The following AUTS2 variants were observed in gnomAD, a reference collection of about 807,000 sequenced individuals.
AUTS2 encodes autism susceptibility gene 2 protein.
Under a neutral mutation model 112.4 loss-of-function variants are expected in AUTS2, and 17 were observed. That is an observed-to-expected ratio of 0.15 (90% CI 0.10 to 0.23). AUTS2 has a LOEUF of 0.23. AUTS2 is among the 10% of genes least tolerant of loss of function. The pLI, the probability that AUTS2 is intolerant of heterozygous loss-of-function variation, is 1.00. For synonymous variants in AUTS2, 751 were observed against 702.7 expected (o/e 1.07, Z -1.09); for missense variants, 1,510 against 1,701.6 (o/e 0.89, Z 1.98).
chr7:70,290,557 T>G (rs1788663564), intron 4 of AUTS2: 19 of 1,493,764 alleles, frequency 1.3e-5, no homozygotes, highest in Non-Finnish European at 1.7e-5. Context: ...CTCTATGTGA[T>G]ATAGATTCTG....
At chr7:70,418,075 C>CTGTGTG (rs34869843) in intron 4 of AUTS2, among the ~76,000 whole-genome samples, 5,349 of 136,400 alleles carry the variant, frequency 0.039, 166 homozygotes, top group African/African-American at 0.072. Context: ...GGCTAACTTT[C>CTGTGTG]TGTGTGTGTG....
At position 69,852,173 on chromosome 7, in the gene AUTS2, T is replaced by C. The variant is rs147336254; in HGVS notation, c.310-47113T>C. Among the ~76,000 whole-genome samples, 556 of 152,330 alleles carry C rather than the reference T, an allele frequency of 3.6e-3. 4 individuals are homozygous for C. Among genetic ancestry groups the C allele is most frequent in the African/African-American group, 9.6e-3 (399 of 41,580 alleles). On this transcript the variant is annotated intron_variant, in intron 1 of 18. Coordinates refer to ENST00000342771, the MANE Select transcript of AUTS2 (RefSeq NM_015570.4). ...TTTCTATTCTTGGTTTTTATAAATA[T>C]GTATTGAATGCTTTTTTGCATCAAC...
intron 1 of AUTS2, among the ~76,000 whole-genome samples, chr7:69,785,859 T>C (rs1789347216): frequency 6.6e-6 from 1 of 152,152 alleles, no homozygotes. Context: ...AGATGAAATT[T>C]TACTCTTGTT....
chr7:70,435,458 G>A (rs1393727105), intron 4 of AUTS2, among the ~76,000 whole-genome samples: 1 of 152,210 alleles, frequency 6.6e-6, no homozygotes, highest in Admixed American at 6.5e-5. Context: ...TGGGAGGGAA[G>A]CGCTCACTTG....
At chr7:70,093,895 T>C (rs1487988548) in intron 2 of AUTS2, among the ~76,000 whole-genome samples, 1 of 152,236 alleles carries the variant, frequency 6.6e-6, no homozygotes, top group African/African-American at 2.4e-5. Context: ...CTTGTGTGTA[T>C]TGAACCCTTC....
In AUTS2 at chr7:70,787,065, T is replaced by G. The variant is rs1207882018; in HGVS notation, c.2309-144T>G. ...ACAAGACTTCCTCTAATGAATTTGTTAATCTCCTTTCCTTTTCCAGCTCCC... is the reference window on the plus strand; with the variant it reads ...ACAAGACTTCCTCTAATGAATTTGTGAATCTCCTTTCCTTTTCCAGCTCCC... On this transcript the variant is annotated intron_variant, in intron 17 of 18. Coordinates refer to ENST00000342771, the MANE Select transcript of AUTS2 (RefSeq NM_015570.4). 3 of 810,674 alleles carry G rather than the reference T, an allele frequency of 3.7e-6. No individual in the cohort carries two copies. The South Asian group carries it at 4.4e-5, about 12-fold the overall frequency. 50.2% of individuals were successfully genotyped at this position (810,674 alleles called of 1,614,324 possible).
At chr7:70,592,147 G>A (rs565781732) in intron 5 of AUTS2, among the ~76,000 whole-genome samples, 6 of 152,066 alleles carry the variant, frequency 3.9e-5, no homozygotes, top group South Asian at 2.1e-4. Context: ...ATTTGCCATC[G>A]ATATATATTT....
At chr7:70,033,059 G>T (rs570079198) in intron 2 of AUTS2, among the ~76,000 whole-genome samples, 1 of 152,118 alleles carries the variant, frequency 6.6e-6, no homozygotes, top group Non-Finnish European at 1.5e-5. Flanking sequence ...GGGAGTAACT[G>T]CTGATAGGTA....
intron 4 of AUTS2, among the ~76,000 whole-genome samples, chr7:70,426,701 CG>C (rs1362040508): frequency 6.6e-6 from 1 of 152,084 alleles, no homozygotes; most frequent in Non-Finnish European, 1.5e-5. Flanking sequence ...ACTTTTGCAT[CG>C]GGTAATGCGA....
chr7:70,729,768 T>C (rs1787257805), intron 6 of AUTS2, among the ~76,000 whole-genome samples: 1 of 152,200 alleles, frequency 6.6e-6, no homozygotes, highest in Non-Finnish European at 1.5e-5. Context: ...GGTTGAGAAG[T>C]TGTTGTAATT....
intron 4 of AUTS2, chr7:70,294,071 ATG>A (rs1268550297): frequency 6.6e-6 from 1 of 152,256 alleles, no homozygotes; most frequent in Non-Finnish European, 1.5e-5. Context: ...TACAGTGTTT[ATG>A]TGAGAATAAT....
chr7:70,227,841 G>A (rs916449721), intron 4 of AUTS2, among the ~76,000 whole-genome samples: 7 of 152,016 alleles, frequency 4.6e-5, no homozygotes, highest in African/African-American at 9.7e-5. Flanking sequence ...AGATAGTTAT[G>A]GCCTAGCATA....
intron 1 of AUTS2, among the ~76,000 whole-genome samples, chr7:69,671,483 GCTGGTGTGTGTGT>G (rs979296345): frequency 1.1e-4 from 15 of 135,850 alleles, no homozygotes; most frequent in Non-Finnish European, 1.9e-4. Flanking sequence ...TGCTGCTGCT[GCTGGTGTGTGTGT>G]GTGTGTGTGT....
Position 70,422,960 on chromosome 7 carries a change from G to T in AUTS2, c.661-12792G>T, listed in dbSNP as rs530773377. On this transcript the variant is annotated intron_variant, in intron 4 of 18. Coordinates refer to ENST00000342771, the MANE Select transcript of AUTS2 (RefSeq NM_015570.4). ...AATTTATTAATTCTTTCACATATAT[G>T]TATTGAGCACCTTCTAGGTACCAGC... Among the ~76,000 whole-genome samples the T allele has an allele frequency of 4.6e-4, 70 of 152,202 alleles. 1 individual carries two copies. The highest frequency in any genetic ancestry group is 4.4e-5 in the Non-Finnish European group (3 of 68,018).
chr7:70,650,057 C>G (rs1806414415), intron 5 of AUTS2, among the ~76,000 whole-genome samples: 1 of 152,168 alleles, frequency 6.6e-6, no homozygotes, highest in African/African-American at 2.4e-5. Context: ...GGCTTCTCTG[C>G]CATTCTCTTA....
At chr7:70,537,577 G>A (rs973898259) in intron 5 of AUTS2, among the ~76,000 whole-genome samples, 2 of 152,174 alleles carry the variant, frequency 1.3e-5, no homozygotes, top group Non-Finnish European at 2.9e-5. Flanking sequence ...AGTGACTGAT[G>A]CACATTGTGC....
intron 4 of AUTS2, among the ~76,000 whole-genome samples, chr7:70,406,514 G>A (rs575833707): frequency 8.5e-5 from 13 of 152,312 alleles, no homozygotes; most frequent in Non-Finnish European, 1.0e-4. Flanking sequence ...GGGCCCCGCC[G>A]GTTACATCTG....
intron 4 of AUTS2, among the ~76,000 whole-genome samples, chr7:70,317,906 G>A (rs1188892054): frequency 1.3e-5 from 2 of 152,162 alleles, no homozygotes; most frequent in African/African-American, 4.8e-5. Flanking sequence ...ATTAGAGCTT[G>A]TGAATCATCA....
At chr7:70,666,625 T>C (rs752545766) in intron 5 of AUTS2, among the ~76,000 whole-genome samples, 5 of 152,112 alleles carry the variant, frequency 3.3e-5, no homozygotes, top group Non-Finnish European at 7.3e-5. Flanking sequence ...CTTTTAATTA[T>C]AGGAAATGTT....
Sources: gnomAD v4.1 joint callset for allele counts (sites outside exome capture counted in the v4.1 genomes callset) on GRCh38, gnomAD v4.1.1 for gene constraint, MANE v1.5 for transcripts, NCBI Gene and HGNC (gene_info 2026-07-23, HGNC 2026-07-21) for gene names.